The following PGRMC2 variants were observed in gnomAD, a reference collection of about 807,000 sequenced individuals.
PGRMC2 encodes the protein membrane-associated progesterone receptor component 2.
In PGRMC2, 9 loss-of-function variants were observed where a neutral mutation model predicts 19.3. The ratio of observed to expected loss-of-function variants is 0.47; its 90% CI spans 0.28 to 0.81. The LOEUF (loss-of-function observed/expected upper bound fraction) is 0.81. PGRMC2 is among the 40% of genes least tolerant of loss of function. The pLI, the probability that PGRMC2 is intolerant of heterozygous loss-of-function variation, is 0.11. For missense variants in PGRMC2, 289 were observed against 297.3 expected, an observed-to-expected ratio of 0.97 and a Z score of 0.21; for synonymous variants, 157 against 124.6, an observed-to-expected ratio of 1.26 and a Z score of -1.73.
At chr4:128,285,473 G>A (rs1760970407) in intron 1 of PGRMC2, among the ~76,000 whole-genome samples, 2 of 152,164 alleles carry the variant, frequency 1.3e-5, no homozygotes, top group Admixed American at 6.5e-5. Flanking sequence ...GCCACTGGAG[G>A]CTGCCAAACT....
At chr4:128,272,320 C>T (rs1760742675) in intron 2 of PGRMC2, 42 bp downstream of exon 2, 1 of 1,252,012 alleles carries the variant, frequency 8.0e-7, no homozygotes, top group African/African-American at 1.6e-5. Flanking sequence ...TTTCTTTGAA[C>T]AAATATTTAA....
chr4:128,275,323 G>T (rs1760791103), intron 1 of PGRMC2, among the ~76,000 whole-genome samples: 1 of 152,056 alleles, frequency 6.6e-6, no homozygotes, highest in South Asian at 2.1e-4. Flanking sequence ...ACAGCAATCA[G>T]AAAGCCCTCC....
At chr4:128,280,471 A>C (rs1760892329) in intron 1 of PGRMC2, among the ~76,000 whole-genome samples, 1 of 152,074 alleles carries the variant, frequency 6.6e-6, no homozygotes, top group Non-Finnish European at 1.5e-5. Flanking sequence ...CAAAACCCCA[A>C]AGACAAAAAG....
intron 1 of PGRMC2, among the ~76,000 whole-genome samples, chr4:128,276,116 G>C (rs1336889341): frequency 6.6e-6 from 1 of 152,148 alleles, no homozygotes; most frequent in African/African-American, 2.4e-5. Flanking sequence ...CTAATAAAAG[G>C]AGATTTCCCT....
intron 1 of PGRMC2, among the ~76,000 whole-genome samples, chr4:128,276,856 C>T (rs1001311710): frequency 1.3e-5 from 2 of 152,104 alleles, no homozygotes; most frequent in Non-Finnish European, 2.9e-5. Flanking sequence ...ACTTACATAA[C>T]AAATATTCAA....
chr4:128,279,869 G>A (rs1411025354), intron 1 of PGRMC2, among the ~76,000 whole-genome samples: 1 of 152,160 alleles, frequency 6.6e-6, no homozygotes, highest in Non-Finnish European at 1.5e-5. Flanking sequence ...TGCTGCTATG[G>A]AAGGGAACAT....
intron 1 of PGRMC2, chr4:128,286,893 A>AG (rs70966099): frequency 1.2e-3 from 438 of 358,272 alleles, no homozygotes; most frequent in African/African-American, 7.4e-3. Flanking sequence ...AAAAAAAAAA[A>AG]GGGGGCAAGG....
In PGRMC2 at chr4:128,272,371, G is replaced by A. The variant is rs775427999; in HGVS notation, c.565C>T (p.Gln189Ter). The change falls in exon 2 of 3, where the codon CAG becomes TAG. Residue 189 changes from glutamine to a stop codon, truncating the protein, a stop_gained. Coordinates refer to ENST00000296425, the MANE Select transcript of PGRMC2 (RefSeq NM_006320.6). LOFTEE classifies it high-confidence loss of function. ...QMESVREWEM[Q>*]FKEKYDYVGR... ...AACAAAATAAAAATACCTTTAAACT[G>A]CATTTCCCATTCTCGAACACTCTCC... The A allele has an allele frequency of 1.3e-6, 2 of 1,501,304 alleles. No individual in the cohort carries two copies. Among genetic ancestry groups the A allele is most frequent in the East Asian group, 2.4e-5 (1 of 40,946 alleles). 93.0% of individuals were successfully genotyped at this position (1,501,304 alleles called of 1,614,324 possible). A position where few individuals can be genotyped will look rare whatever the true frequency, so the allele number is the denominator to read the frequency against.
intron 2 of PGRMC2, 70 bp from the exon 3 acceptor site, chr4:128,271,483 G>C: frequency 1.4e-6 from 1 of 733,300 alleles, no homozygotes; most frequent in South Asian, 1.7e-5. Context: ...ACAGAGAAAA[G>C]GCATTTGTCT....
rs944367522 is a variant in PGRMC2, at chr4:128,269,481, A to G, written c.*1835T>C. The G allele has an allele frequency of 9.2e-5, 14 of 152,184 alleles. No individual in the cohort carries two copies. Among genetic ancestry groups the G allele is most frequent in the African/African-American group, 3.4e-4 (14 of 41,442 alleles). The allele number at this position is 152,184 out of a possible 1,614,324, so 9.4% of individuals were successfully genotyped here. On this transcript the variant is annotated 3_prime_UTR_variant, in exon 3 of 3. Coordinates refer to ENST00000296425, the MANE Select transcript of PGRMC2 (RefSeq NM_006320.6). Reference sequence around the variant, plus strand: ...AATATTTTACATAAAAACACAAAGCATTTACCAACACTCCACAACCAGTCT... The same window carrying G: ...AATATTTTACATAAAAACACAAAGCGTTTACCAACACTCCACAACCAGTCT...
At chr4:128,280,689 C>T (rs1215357898) in intron 1 of PGRMC2, among the ~76,000 whole-genome samples, 1 of 152,058 alleles carries the variant, frequency 6.6e-6, no homozygotes, top group Admixed American at 6.6e-5. Flanking sequence ...CATTGATCTT[C>T]TGGGCTCAAG....
At chr4:128,278,535 G>A (rs2110561475) in intron 1 of PGRMC2, among the ~76,000 whole-genome samples, 1 of 152,166 alleles carries the variant, frequency 6.6e-6, no homozygotes, top group Non-Finnish European at 1.5e-5. Flanking sequence ...TGGCGCCACT[G>A]CACTCTAGCC....
intron 1 of PGRMC2, among the ~76,000 whole-genome samples, chr4:128,282,540 G>C (rs750249576): frequency 2.6e-5 from 4 of 152,168 alleles, no homozygotes; most frequent in Non-Finnish European, 5.9e-5. Context: ...AGCCAACTAA[G>C]TAGTTATAAT....
intron 1 of PGRMC2, among the ~76,000 whole-genome samples, chr4:128,275,126 G>A (rs963884799): frequency 2.0e-5 from 3 of 152,144 alleles, no homozygotes; most frequent in Non-Finnish European, 4.4e-5. Flanking sequence ...GAAAATTTTA[G>A]AATACTTATT....
chr4:128,274,848 G>T (rs745429721), intron 1 of PGRMC2, among the ~76,000 whole-genome samples: 7 of 152,040 alleles, frequency 4.6e-5, no homozygotes, highest in Non-Finnish European at 7.4e-5. Flanking sequence ...ATTTTTAAAA[G>T]AATTTTCCAG....
intron 1 of PGRMC2, among the ~76,000 whole-genome samples, chr4:128,281,452 A>G (rs1373745837): frequency 6.6e-6 from 1 of 152,252 alleles, no homozygotes; most frequent in Non-Finnish European, 1.5e-5. Context: ...AAAGGATAGA[A>G]ATAGAATACA....
At chr4:128,275,676 C>G (rs1188053836) in intron 1 of PGRMC2, among the ~76,000 whole-genome samples, 1 of 152,168 alleles carries the variant, frequency 6.6e-6, no homozygotes, top group Non-Finnish European at 1.5e-5. Context: ...CTGCAAAGGT[C>G]TTTTTAGTAA....
rs2110567085 is a variant in PGRMC2, at chr4:128,287,554, A to AACCCCCCCCCCC, written c.236_237insGGGGGGGGGGGT (p.Gly79_Leu80insGlyGlyGlyVal). On this transcript the variant is annotated inframe_insertion, in exon 1 of 3. Coordinates refer to ENST00000296425, the MANE Select transcript of PGRMC2 (RefSeq NM_006320.6). Reference sequence around the variant, plus strand: ...CGCCCGCCCCGGCCCCGGCCCCCAGACCCCGCCGCCCCCAGCGCACCCACA... The same window carrying AACCCCCCCCCCC: ...CGCCCGCCCCGGCCCCGGCCCCCAGAACCCCCCCCCCCCCCCGCCGCCCCCAGCGCACCCACA... 12 of 924,822 alleles carry AACCCCCCCCCCC rather than the reference A, an allele frequency of 1.3e-5. No individual in the cohort carries two copies. The highest frequency in any genetic ancestry group is 6.0e-5 in the South Asian group (4 of 67,126). 57.3% of individuals were successfully genotyped at this position (924,822 alleles called of 1,614,324 possible).
chr4:128,279,282 ACT>A (rs1299862413), intron 1 of PGRMC2, among the ~76,000 whole-genome samples: 3 of 152,200 alleles, frequency 2.0e-5, no homozygotes, highest in Admixed American at 2.0e-4. Flanking sequence ...ATCATAAATG[ACT>A]CAACTTTTTA....
Sources: allele counts gnomAD v4.1 joint callset (sites outside exome capture counted in the v4.1 genomes callset), GRCh38; gene constraint gnomAD v4.1.1; transcripts MANE v1.5; gene names NCBI Gene and HGNC (gene_info 2026-07-23, HGNC 2026-07-21).